The following CASZ1 variants were observed in gnomAD, a reference collection of about 807,000 sequenced individuals.
The protein encoded by CASZ1 is castor zinc finger 1.
A neutral mutation model predicts 135.2 loss-of-function variants in CASZ1; 28 were observed. That is an observed-to-expected ratio of 0.21 (90% CI 0.15 to 0.28). The LOEUF is 0.28. CASZ1 is among the 10% of genes least tolerant of loss of function. The pLI is 1.00. For missense variants in CASZ1, 2,161 were observed against 2,453.3 expected (o/e 0.88, Z 2.52); for synonymous variants, 1,068 against 1,073.4 (o/e 0.99, Z 0.10).
intron 2 of CASZ1, among the ~76,000 whole-genome samples, chr1:10,749,301 G>A (rs2100552111): frequency 6.6e-6 from 1 of 151,780 alleles, no homozygotes; most frequent in Non-Finnish European, 1.5e-5. Flanking sequence ...AGGCTGGAGT[G>A]CAGTGGTGCA....
chr1:10,736,019 C>T (rs1639790776), intron 2 of CASZ1, among the ~76,000 whole-genome samples: 1 of 152,154 alleles, frequency 6.6e-6, no homozygotes, highest in Non-Finnish European at 1.5e-5. Context: ...CAGAGGAAAC[C>T]CCAAAGATCA....
intron 1 of CASZ1, among the ~76,000 whole-genome samples, chr1:10,791,989 C>CTGTTCT (rs1557574868): frequency 6.6e-6 from 1 of 151,718 alleles, no homozygotes; most frequent in Non-Finnish European, 1.5e-5. Flanking sequence ...CTTTTCTACT[C>CTGTTCT]GTAAGCCTCT....
At position 10,640,003 on chromosome 1, in the gene CASZ1, C is replaced by T. The variant is rs374524422; in HGVS notation, c.4219G>A (p.Glu1407Lys). 7.8e-5 allele frequency: 126 copies of T among 1,612,236 alleles called. No homozygotes were observed. Among genetic ancestry groups the T allele is most frequent in the Non-Finnish European group, 1.0e-4 (121 of 1,180,024 alleles). Reference sequence around the variant, plus strand: ...CGCTTGCCGAAGGGCGACATGTCCTCGATGATCCAGAAGCGCTTTTTGGCC... The same window carrying T: ...CGCTTGCCGAAGGGCGACATGTCCTTGATGATCCAGAAGCGCTTTTTGGCC... ...SGAKKRFWII[E>K]DMSPFGKRRK... is the part of the protein sequence containing the mutation. The change falls in exon 21 of 21, where the codon GAG (glutamate) becomes AAG (lysine). Residue 1407 changes from glutamate (E) to lysine (K), a missense_variant. Physicochemically the swap from Glu to Lys is moderately conservative, Grantham distance 56. This residue lies in a region of CASZ1 where 143 missense variants were observed against 128.3 expected (regional missense o/e 1.11). Coordinates refer to ENST00000377022, the MANE Select transcript of CASZ1 (RefSeq NM_001079843.3).
Position 10,647,733 on chromosome 1 carries a change from G to A in CASZ1, c.3497+68C>T, listed in dbSNP as rs554001651. The stretch of plus-strand genomic sequence containing the variant: ...GCAGTGAGGAACAGGGCCTCCTAGC[G>A]CCCTTGCTAGCACCTACTCCCGAGA... On this transcript the variant is annotated intron_variant, in intron 16 of 20. Transcript: ENST00000377022. This position sits in a 1 kb window ranked among gnomAD's most constrained non-coding sequence, Gnocchi z 4.9. 1.1e-5 allele frequency: 17 copies of A among 1,601,884 alleles called. No individual in the cohort carries two copies. The East Asian group carries it at 1.3e-4, about 13-fold the overall frequency.
intron 4 of CASZ1, among the ~76,000 whole-genome samples, chr1:10,692,737 GTC>G (rs757142538): frequency 6.6e-5 from 10 of 152,292 alleles, no homozygotes; most frequent in African/African-American, 2.4e-4. Flanking sequence ...GCTGCCTCCG[GTC>G]TCTCTGCCCA....
chr1:10,734,697 G>A (rs1480106573), intron 2 of CASZ1, among the ~76,000 whole-genome samples: 2 of 152,140 alleles, frequency 1.3e-5, no homozygotes, highest in South Asian at 2.1e-4. Context: ...AGGGAGAAGG[G>A]AAGATCTATA....
In CASZ1 at chr1:10,643,145, G is replaced by GGC. The variant is rs1557456480; in HGVS notation, c.4020+14_4020+15insGC. 1.3e-6 allele frequency: 2 copies of GGC among 1,598,866 alleles called. No homozygotes were observed. The highest frequency in any genetic ancestry group is 1.3e-5 in the African/African-American group (1 of 74,120). The stretch of plus-strand genomic sequence containing the variant: ...CGCCACCCTGGCTGGGCTCTCACCT[G>GGC]GGGGGGGCTCTCACCTGGGAGGGGG... On this transcript the variant is annotated intron_variant, in intron 19 of 20. Transcript: ENST00000377022.
In CASZ1 at chr1:10,703,712, G is replaced by A. The variant is rs577328137; in HGVS notation, c.-24+1780C>T. ...TAAAGTGCAGGAGCTAAAACCTCTC[G>A]AGCGGGGGCCGGAAAACTTTTTCCC... is the stretch of plus-strand genomic sequence containing the variant. On this transcript the variant is annotated intron_variant, in intron 3 of 20. Transcript: ENST00000377022. Among the ~76,000 whole-genome samples the A allele has an allele frequency of 6.6e-5, 10 of 152,186 alleles. No homozygotes were observed. In the South Asian group the frequency reaches 1.0e-3, roughly 16 times the overall value.
At position 10,724,264 on chromosome 1, in the gene CASZ1, C is replaced by A. The variant is rs1200227549; in HGVS notation, c.-76-18720G>T. 6.6e-6 allele frequency among the ~76,000 whole-genome samples: 1 copy of A among 152,204 alleles called. No homozygotes were observed. The highest frequency in any genetic ancestry group is 1.9e-4 in the East Asian group (1 of 5,192). ...AAATCATTTCCCAGAGCCACGGCCC[C>A]CTCCCCAGCACCAAGAACCTTTCTG... On this transcript the variant is annotated intron_variant, in intron 2 of 20. Coordinates refer to ENST00000377022, the MANE Select transcript of CASZ1 (RefSeq NM_001079843.3). This position sits in a 1 kb window ranked among gnomAD's most constrained non-coding sequence, Gnocchi z 4.1.
rs548169952 is a variant in CASZ1 at position 10,758,372 on chromosome 1, C to T, written c.-77+2329G>A. On this transcript the variant is annotated intron_variant, in intron 2 of 20. Transcript: ENST00000377022. ...TTTGAGACAGAGTCTTGCTCTGTCGCCCAGACTGGAGTGCAGTGGCGCGAT... is the reference window on the plus strand; with the variant it reads ...TTTGAGACAGAGTCTTGCTCTGTCGTCCAGACTGGAGTGCAGTGGCGCGAT... Among the ~76,000 whole-genome samples the T allele has an allele frequency of 7.4e-5, 11 of 149,438 alleles. No homozygotes were observed. The East Asian group carries it at 2.2e-3, about 29-fold the overall frequency.
chr1:10,654,708 C>T, intron 9 of CASZ1, 117 bp from the exon 10 acceptor site: 1 of 973,668 alleles, frequency 1.0e-6, no homozygotes, highest in Admixed American at 2.3e-5. Flanking sequence ...GCTTTGGCAC[C>T]TCTGACTTCA....
intron 4 of CASZ1, among the ~76,000 whole-genome samples, chr1:10,691,579 C>T (rs1638768438): frequency 6.6e-6 from 1 of 152,238 alleles, no homozygotes; most frequent in Non-Finnish European, 1.5e-5. Flanking sequence ...TGAAGCTGCC[C>T]ACGCTGCCCC....
At position 10,711,132 on chromosome 1, in the gene CASZ1, G is replaced by T. The variant is rs151097656; in HGVS notation, c.-76-5588C>A. Among the ~76,000 whole-genome samples the T allele has an allele frequency of 1.1e-4, 17 of 152,228 alleles. No homozygotes were observed. The South Asian group carries it at 2.7e-3, about 24-fold the overall frequency. ...GGCGACAGAGCGAGACTCCGTCTTG[G>T]GGGGAGAAAAAAGAAAAAGACAGCA... On this transcript the variant is annotated intron_variant, in intron 2 of 20. Coordinates refer to ENST00000377022, the MANE Select transcript of CASZ1 (RefSeq NM_001079843.3). This position sits in a 1 kb window ranked among gnomAD's most constrained non-coding sequence, Gnocchi z 4.4.
chr1:10,677,140 G>A (rs1638249775), intron 4 of CASZ1, among the ~76,000 whole-genome samples: 1 of 152,238 alleles, frequency 6.6e-6, no homozygotes, highest in East Asian at 1.9e-4. Context: ...GGTCGAGACA[G>A]AGAGAGCTCA....
At position 10,694,262 on chromosome 1, in the gene CASZ1, C is replaced by T; in HGVS notation, c.-23-350G>A. On this transcript the variant is annotated intron_variant, in intron 3 of 20. Coordinates refer to ENST00000377022, the MANE Select transcript of CASZ1 (RefSeq NM_001079843.3). This position sits in a 1 kb window ranked among gnomAD's most constrained non-coding sequence, Gnocchi z 6.6. Reference sequence around the variant, plus strand: ...CCCGGGTCGCCGCCCGAGACCGCGGCCCCCGGGCCTCCCCCGCCCGCGCCC... The same window carrying T: ...CCCGGGTCGCCGCCCGAGACCGCGGTCCCCGGGCCTCCCCCGCCCGCGCCC... 3 of 975,492 alleles carry T rather than the reference C, an allele frequency of 3.1e-6. No homozygotes were observed. The highest frequency in any genetic ancestry group is 3.7e-6 in the Non-Finnish European group (3 of 808,352). The allele number at this position is 975,492 out of a possible 1,614,324, so 60.4% of individuals were successfully genotyped here.
chr1:10,715,444 G>C (rs1405975199), intron 2 of CASZ1, among the ~76,000 whole-genome samples: 4 of 151,884 alleles, frequency 2.6e-5, no homozygotes, highest in African/African-American at 4.8e-5. Context: ...GCCGGGCAGA[G>C]AGAGGCAGCA....
chr1:10,640,548 C>G (rs1399485810), intron 20 of CASZ1, among the ~76,000 whole-genome samples: 1 of 152,238 alleles, frequency 6.6e-6, no homozygotes, highest in Non-Finnish European at 1.5e-5. Flanking sequence ...ACAGGGGGAG[C>G]TGCCTACTCA....
In CASZ1 at chr1:10,757,134, AC is replaced by A. The variant is rs1336574016; in HGVS notation, c.-77+3566del. Reference sequence around the variant, plus strand: ...CCCACTCAAACGAGCCTTTCTCAGCACCCAGCATGGTTCCAAGATGGCACTT... The same window carrying A: ...CCCACTCAAACGAGCCTTTCTCAGCACCAGCATGGTTCCAAGATGGCACTT... On this transcript the variant is annotated intron_variant, in intron 2 of 20. Coordinates refer to ENST00000377022, the MANE Select transcript of CASZ1 (RefSeq NM_001079843.3). The surrounding 1 kb of genome is among the most constrained non-coding windows in gnomAD (Gnocchi z 4.6). 5.3e-5 allele frequency among the ~76,000 whole-genome samples: 8 copies of A among 152,130 alleles called. No homozygotes were observed. The highest frequency in any genetic ancestry group is 1.9e-4 in the African/African-American group (8 of 41,424).
Position 10,739,130 on chromosome 1 carries a change from C to T in CASZ1, c.-77+21571G>A, listed in dbSNP as rs540373370. 5.3e-5 allele frequency among the ~76,000 whole-genome samples: 8 copies of T among 152,136 alleles called. No individual in the cohort carries two copies. The East Asian group carries it at 5.8e-4, about 11-fold the overall frequency. On this transcript the variant is annotated intron_variant, in intron 2 of 20. Coordinates refer to ENST00000377022, the MANE Select transcript of CASZ1 (RefSeq NM_001079843.3). The surrounding 1 kb of genome is among the most constrained non-coding windows in gnomAD (Gnocchi z 4.8). ...GAAGGAAAAAAAGCAACAACAATAA[C>T]GAGAAACAAGTCACCCAGGCATCTT...
Sources: gnomAD v4.1 joint callset for allele counts (sites outside exome capture counted in the v4.1 genomes callset) on GRCh38, gnomAD v4.1.1 for gene constraint, gnomAD v4.1.1 regional missense constraint, Gnocchi (gnomAD v3.1) non-coding constraint, MANE v1.5 for transcripts, NCBI Gene and HGNC (gene_info 2026-07-23, HGNC 2026-07-21) for gene names.